The following CRISP3 variants were observed in gnomAD, a reference collection of about 807,000 sequenced individuals.
CRISP3 encodes the protein cysteine-rich secretory protein 3.
CRISP3 carries 33 observed loss-of-function variants against 36.1 expected under a neutral mutation model. The observed-to-expected ratio is 0.91, with a 90% confidence interval of 0.69 to 1.22. The LOEUF is 1.22. Among genes scored for constraint, CRISP3 ranks in the 50% most tolerant of loss-of-function variants. CRISP3 has a pLI of 0.00. For synonymous variants in CRISP3, 117 were observed against 104.6 expected, an observed-to-expected ratio of 1.12 and a Z score of -0.72; for missense variants, 330 against 301.2, an observed-to-expected ratio of 1.10 and a Z score of -0.71.
chr6:49,741,124 C>CAA (rs35800263), intron 1 of CRISP3, among the ~76,000 whole-genome samples: 82 of 114,064 alleles, frequency 7.2e-4, no homozygotes, highest in African/African-American at 2.0e-3. Flanking sequence ...AACAAACAAA[C>CAA]AAAAAAAACA....
intron 1 of CRISP3, among the ~76,000 whole-genome samples, 198 bp downstream of exon 1, chr6:49,744,133 T>C (rs183509678): frequency 3.3e-5 from 5 of 152,256 alleles, no homozygotes; most frequent in African/African-American, 1.2e-4. Context: ...TTTGGAATAA[T>C]AAAGCTGTCT....
Position 49,729,684 on chromosome 6 carries a change from T to C in CRISP3, c.650-827A>G, listed in dbSNP as rs1165795475. Reference sequence around the variant, plus strand: ...CTTGTTTCTATTTTTTGGTTTTTTTTTGTAATCAATACTCAACAATACCAG... The same window carrying C: ...CTTGTTTCTATTTTTTGGTTTTTTTCTGTAATCAATACTCAACAATACCAG... On this transcript the variant is annotated intron_variant, in intron 7 of 7. Coordinates refer to ENST00000263045, the MANE Select transcript of CRISP3 (RefSeq NM_006061.4). Among the ~76,000 whole-genome samples, 3 of 152,192 alleles carry C rather than the reference T, an allele frequency of 2.0e-5. No individual in the cohort carries two copies. The East Asian group carries it at 5.8e-4, about 29-fold the overall frequency.
chr6:49,730,264 T>C (rs557164653), intron 7 of CRISP3, among the ~76,000 whole-genome samples: 15 of 152,238 alleles, frequency 9.9e-5, no homozygotes, highest in African/African-American at 3.1e-4. Context: ...TATTTACTCC[T>C]TTTTGCTAAA....
intron 2 of CRISP3, among the ~76,000 whole-genome samples, 194 bp downstream of exon 2, chr6:49,737,131 C>T (rs1769074861): frequency 6.6e-6 from 1 of 152,020 alleles, no homozygotes; most frequent in Non-Finnish European, 1.5e-5. Flanking sequence ...CTTCAATACC[C>T]TCATGTGGCT....
chr6:49,737,422 C>G (rs1554140896), intron 1 of CRISP3, 24 bp from the exon 2 acceptor site: 9 of 1,613,590 alleles, frequency 5.6e-6, no homozygotes, highest in Non-Finnish European at 7.6e-6. Flanking sequence ...ACCGGTGGAA[C>G]AGGGATCTGC....
rs1487728720 is a variant in CRISP3, at chr6:49,737,590, T to C, written c.38-192A>G. On this transcript the variant is annotated intron_variant, in intron 1 of 7. Coordinates refer to ENST00000263045, the MANE Select transcript of CRISP3 (RefSeq NM_006061.4). Reference sequence around the variant, plus strand: ...TCAGCTTTCAAAGTATGCATTCAACTGGGACTATAAAGAACAAACCAAAAT... The same window carrying C: ...TCAGCTTTCAAAGTATGCATTCAACCGGGACTATAAAGAACAAACCAAAAT... 3 of 646,250 alleles carry C rather than the reference T, an allele frequency of 4.6e-6. No homozygotes were observed. The East Asian group carries it at 8.2e-5, about 18-fold the overall frequency. 40.0% of individuals were successfully genotyped at this position (646,250 alleles called of 1,614,324 possible). A position where few individuals can be genotyped will look rare whatever the true frequency, so the allele number is the denominator to read the frequency against.
intron 4 of CRISP3, among the ~76,000 whole-genome samples, chr6:49,734,779 T>G (rs1242617197): frequency 2.6e-5 from 4 of 152,174 alleles, no homozygotes; most frequent in Non-Finnish European, 5.9e-5. Flanking sequence ...ACTTGTAAAT[T>G]TGGTTTGCCT....
Position 49,733,108 on chromosome 6 carries a change from T to C in CRISP3, c.560+87A>G, listed in dbSNP as rs1231073504. 6.9e-6 allele frequency: 5 copies of C among 722,940 alleles called. No individual in the cohort carries two copies. The Admixed American group carries it at 1.4e-4, about 21-fold the overall frequency. The allele number at this position is 722,940 out of a possible 1,614,324, so 44.8% of individuals were successfully genotyped here. A position where few individuals can be genotyped will look rare whatever the true frequency, so the allele number is the denominator to read the frequency against. ...TCTAAAGATTAATCTCCTTCACCTT[T>C]ACTTAAATATGCTTTTTAGTTTTTT... On this transcript the variant is annotated intron_variant, in intron 6 of 7. Coordinates refer to ENST00000263045, the MANE Select transcript of CRISP3 (RefSeq NM_006061.4).
At position 49,731,207 on chromosome 6, in the gene CRISP3, G is replaced by A. The variant is rs1768908207; in HGVS notation, c.605C>T (p.Ala202Val). The A allele has an allele frequency of 6.2e-6, 10 of 1,611,546 alleles. No individual in the cohort carries two copies. Among genetic ancestry groups the A allele is most frequent in the Non-Finnish European group, 8.5e-6 (10 of 1,178,724 alleles). The change falls in exon 7 of 8, where the codon GCA becomes GTA. Residue 202 changes from alanine to valine, a missense_variant. By Grantham distance (64) the Ala-to-Val change is moderately conservative. Transcript: ENST00000263045. ...GTTATCTGGGCAACTGGCACAAGGT[G>A]CTCCTTGTTCATAAGGGACATATAG... ...NRLYVPYEQG[A>V]PCASCPDNCD...
intron 5 of CRISP3, 41 bp downstream of exon 5, chr6:49,733,662 G>T: frequency 1.3e-6 from 2 of 1,534,936 alleles, no homozygotes; most frequent in Non-Finnish European, 1.8e-6. Flanking sequence ...TTTTTTTTAG[G>T]GCACTTATAA....
intron 4 of CRISP3, among the ~76,000 whole-genome samples, chr6:49,734,770 C>G (rs574231075): frequency 2.0e-5 from 3 of 152,178 alleles, no homozygotes; most frequent in Admixed American, 6.5e-5. Flanking sequence ...TTATTTACCA[C>G]TTGTAAATTT....
intron 1 of CRISP3, among the ~76,000 whole-genome samples, chr6:49,741,919 T>A (rs892728102): frequency 6.7e-6 from 1 of 148,250 alleles, no homozygotes; most frequent in Non-Finnish European, 1.5e-5. Context: ...ATATAAAATA[T>A]TTGTAACTTT....
At chr6:49,742,472 A>C (rs1417875160) in intron 1 of CRISP3, among the ~76,000 whole-genome samples, 1 of 151,996 alleles carries the variant, frequency 6.6e-6, no homozygotes, top group Non-Finnish European at 1.5e-5. Context: ...TCTCTACTAA[A>C]ACTACAAAAG....
At chr6:49,738,350 G>T (rs765408012) in intron 1 of CRISP3, among the ~76,000 whole-genome samples, 10 of 152,090 alleles carry the variant, frequency 6.6e-5, no homozygotes, top group Non-Finnish European at 1.0e-4. Context: ...TCCTCTTATG[G>T]CAGTATATTA....
At chr6:49,741,109 CAAA>C (rs1172178027) in intron 1 of CRISP3, among the ~76,000 whole-genome samples, 7 of 86,744 alleles carry the variant, frequency 8.1e-5, no homozygotes, top group Admixed American at 2.5e-4. Context: ...AAACAAAAAA[CAAA>C]AAACAAACAA....
chr6:49,740,386 A>G (rs1769166427), intron 1 of CRISP3, among the ~76,000 whole-genome samples: 1 of 152,216 alleles, frequency 6.6e-6, no homozygotes, highest in African/African-American at 2.4e-5. Flanking sequence ...TCTATTTATA[A>G]AGCAAGCCTT....
At chr6:49,740,186 A>T (rs1769162735) in intron 1 of CRISP3, among the ~76,000 whole-genome samples, 1 of 152,184 alleles carries the variant, frequency 6.6e-6, no homozygotes, top group Non-Finnish European at 1.5e-5. Flanking sequence ...TATGTTTGAA[A>T]CACTCCCTTG....
At chr6:49,738,094 A>G (rs1769106297) in intron 1 of CRISP3, among the ~76,000 whole-genome samples, 1 of 152,210 alleles carries the variant, frequency 6.6e-6, no homozygotes, top group South Asian at 2.1e-4. Flanking sequence ...CTTAAAACAA[A>G]AAGGTAATAA....
chr6:49,731,683 A>G (rs1169413615), intron 6 of CRISP3, among the ~76,000 whole-genome samples: 1 of 127,474 alleles, frequency 7.8e-6, no homozygotes, highest in Non-Finnish European at 1.7e-5. Flanking sequence ...TGTTAAATGT[A>G]ACTTATAATT....
Sources: gnomAD v4.1 joint callset for allele counts (sites outside exome capture counted in the v4.1 genomes callset) on GRCh38, gnomAD v4.1.1 for gene constraint, MANE v1.5 for transcripts, NCBI Gene and HGNC (gene_info 2026-07-23, HGNC 2026-07-21) for gene names.